The following UNC80 variants were observed in gnomAD, a reference collection of about 807,000 sequenced individuals.
UNC80 encodes the protein unc-80 subunit of NALCN channel complex, also known as protein unc-80 homolog.
In UNC80, 164 loss-of-function variants were observed where a neutral mutation model predicts 384.6. The observed-to-expected ratio is 0.43, with a 90% CI of 0.38 to 0.49. UNC80 has a LOEUF of 0.49. Among genes scored for constraint, UNC80 ranks in the 20% least tolerant of loss-of-function variants. UNC80 has a pLI of 0.00. For synonymous variants in UNC80, 1,486 were observed against 1,527.8 expected, an observed-to-expected ratio of 0.97 and a Z score of 0.64; for missense variants, 3,330 against 4,143.0, an observed-to-expected ratio of 0.80 and a Z score of 5.39.
chr2:209,945,270 G>T (rs1177273990), intron 46 of UNC80, 81 bp downstream of exon 46: 2 of 1,330,874 alleles, frequency 1.5e-6, no homozygotes, highest in East Asian at 2.6e-5. Context: ...ACACATACAC[G>T]TATATTTATA....
Position 209,959,725 on chromosome 2 carries a change from C to T in UNC80, c.7805+18C>T. On this transcript the variant is annotated intron_variant, in intron 51 of 64. Transcript: ENST00000673920. The stretch of plus-strand genomic sequence containing the variant: ...CACATGAGGTACTGGCCTCGCTTTC[C>T]CTGCCCCAAGTGTGAACACAGCTTG... The T allele has an allele frequency of 6.5e-7, 1 of 1,548,836 alleles. No homozygotes were observed. Among genetic ancestry groups the T allele is most frequent in the Non-Finnish European group, 8.7e-7 (1 of 1,145,842 alleles).
At chr2:209,802,840 A>G (rs1268285211) in intron 7 of UNC80, among the ~76,000 whole-genome samples, 1 of 152,238 alleles carries the variant, frequency 6.6e-6, no homozygotes, top group Non-Finnish European at 1.5e-5. Flanking sequence ...ATATCCAGTT[A>G]CAGTTTCTCT....
chr2:209,875,393 T>A (rs1011444471), intron 23 of UNC80, among the ~76,000 whole-genome samples: 9 of 152,168 alleles, frequency 5.9e-5, no homozygotes, highest in Non-Finnish European at 1.2e-4. Flanking sequence ...CTAATGTACC[T>A]AAAGAATATG....
At chr2:209,915,310 C>G (rs530828432) in intron 31 of UNC80, among the ~76,000 whole-genome samples, 3 of 149,076 alleles carry the variant, frequency 2.0e-5, no homozygotes, top group African/African-American at 7.4e-5. Context: ...GAGGCTGAGG[C>G]AGGAGAGTGG....
chr2:209,867,328 T>G (rs2083917596), intron 22 of UNC80, among the ~76,000 whole-genome samples: 1 of 152,184 alleles, frequency 6.6e-6, no homozygotes, highest in Non-Finnish European at 1.5e-5. Flanking sequence ...TGGTTTGAAG[T>G]ATTTCTCCAG....
chr2:209,798,878 G>A (rs1225776552), intron 7 of UNC80, among the ~76,000 whole-genome samples: 1 of 146,846 alleles, frequency 6.8e-6, no homozygotes, highest in Non-Finnish European at 1.5e-5. Flanking sequence ...TAGAGACAGG[G>A]TTTCACTGTG....
chr2:209,862,439 A>G (rs1014618539), intron 22 of UNC80, among the ~76,000 whole-genome samples: 4 of 152,088 alleles, frequency 2.6e-5, no homozygotes, highest in Non-Finnish European at 4.4e-5. Flanking sequence ...GTCTCCCACT[A>G]TTATTGTTTG....
intron 53 of UNC80, 184 bp downstream of exon 53, chr2:209,970,075 C>G: frequency 1.4e-6 from 1 of 713,930 alleles, no homozygotes; most frequent in Non-Finnish European, 2.2e-6. Flanking sequence ...GATCCAGGAA[C>G]CCATCCCTAC....
chr2:209,880,218 A>G lies in UNC80; in HGVS notation c.3977-743A>G, dbSNP rs180929802. Reference sequence around the variant, plus strand: ...TTAAAAAAATCACTATGGTGTTACCATGGCCATTATCTGTCTTTAGAGCAA... The same window carrying G: ...TTAAAAAAATCACTATGGTGTTACCGTGGCCATTATCTGTCTTTAGAGCAA... On this transcript the variant is annotated intron_variant, in intron 24 of 64. Transcript: ENST00000673920. Among the ~76,000 whole-genome samples, 309 of 152,338 alleles carry G rather than the reference A, an allele frequency of 2.0e-3. 2 individuals are homozygous for G. The highest frequency in any genetic ancestry group is 7.1e-3 in the African/African-American group (296 of 41,574).
At position 209,920,897 on chromosome 2, in the gene UNC80, G is replaced by A. The variant is rs553206944; in HGVS notation, c.5344-603G>A. ...GGCTGGAGCGCAGTGGTGTGATCCC[G>A]GCTCACTGCAACCTCTGCCTCCTGT... On this transcript the variant is annotated intron_variant, in intron 33 of 64. Transcript: ENST00000673920. Among the ~76,000 whole-genome samples the A allele has an allele frequency of 9.9e-5, 15 of 151,200 alleles. 1 individual carries two copies. The East Asian group carries it at 1.6e-3, about 16-fold the overall frequency.
chr2:209,784,712 C>T (rs938455720), intron 4 of UNC80, among the ~76,000 whole-genome samples: 21 of 152,212 alleles, frequency 1.4e-4, no homozygotes, highest in African/African-American at 4.8e-4. Context: ...CTCTGCACTA[C>T]GAACAGAGAT....
chr2:209,990,811 C>G (rs765326371), intron 61 of UNC80, among the ~76,000 whole-genome samples: 1 of 152,150 alleles, frequency 6.6e-6, no homozygotes. Context: ...TTCAGGAGAA[C>G]AAGAAAGTTT....
At chr2:209,797,977 C>T in intron 7 of UNC80, among the ~76,000 whole-genome samples, 1 of 152,188 alleles carries the variant, frequency 6.6e-6, no homozygotes, top group East Asian at 1.9e-4. Context: ...AATGACTGTT[C>T]ATATCCTTTG....
At chr2:209,858,362 T>C (rs545514817) in intron 22 of UNC80, among the ~76,000 whole-genome samples, 8 of 152,314 alleles carry the variant, frequency 5.3e-5, no homozygotes, top group African/African-American at 1.7e-4. Context: ...TTGCCAATCC[T>C]TTACTTTCAA....
intron 7 of UNC80, among the ~76,000 whole-genome samples, chr2:209,808,340 G>A (rs2079043278): frequency 6.6e-6 from 1 of 151,958 alleles, no homozygotes; most frequent in African/African-American, 2.4e-5. Context: ...AGGCGAGTGG[G>A]TCACCTGAGG....
At chr2:209,779,788 C>G (rs1328375474) in intron 4 of UNC80, among the ~76,000 whole-genome samples, 1 of 152,064 alleles carries the variant, frequency 6.6e-6, no homozygotes, top group Non-Finnish European at 1.5e-5. Flanking sequence ...TTAAAAGTAG[C>G]CCAAAAAAGA....
Position 209,834,160 on chromosome 2 carries a change from C to T in UNC80, c.2934C>T (p.Gly978=). ...EENEQESKPA[G]SKRSEAGSIV... ...ATGAACAGGAATCTAAGCCTGCAGG[C>T]AGTAAAAGGTTGGAAGCTTGAACTC... Residue 978 remains glycine, a synonymous_variant, in exon 17 of 65, where the codon GGC becomes GGT. Coordinates refer to ENST00000673920, the MANE Select transcript of UNC80 (RefSeq NM_001371986.1). The T allele has an allele frequency of 6.4e-7, 1 of 1,551,422 alleles. No homozygotes were observed. Among genetic ancestry groups the T allele is most frequent in the Non-Finnish European group, 8.7e-7 (1 of 1,146,846 alleles).
chr2:209,808,272 A>G (rs1446936876), intron 7 of UNC80, among the ~76,000 whole-genome samples: 2 of 142,024 alleles, frequency 1.4e-5, no homozygotes, highest in African/African-American at 4.9e-5. Context: ...GATTATTAAG[A>G]GTGTTCAAGG....
intron 22 of UNC80, among the ~76,000 whole-genome samples, chr2:209,867,081 A>G (rs2124873839): frequency 6.6e-6 from 1 of 152,350 alleles, no homozygotes; most frequent in South Asian, 2.1e-4. Flanking sequence ...TTTGAAATAT[A>G]ATGTAGCTCA....
Sources: allele counts gnomAD v4.1 joint callset (sites outside exome capture counted in the v4.1 genomes callset), GRCh38; gene constraint gnomAD v4.1.1; transcripts MANE v1.5; gene names NCBI Gene and HGNC (gene_info 2026-07-23, HGNC 2026-07-21).